The following CPNE6 variants were observed in gnomAD, a reference collection of about 807,000 sequenced individuals.
CPNE6 encodes copine-6.
In CPNE6, 33 loss-of-function variants were observed where a neutral mutation model predicts 71.5. The ratio of observed to expected loss-of-function variants is 0.46; its 90% CI spans 0.35 to 0.62. CPNE6 has a LOEUF of 0.62. Among genes scored for constraint, CPNE6 ranks in the 20% least tolerant of loss-of-function variants. The pLI is 0.00. For missense variants in CPNE6, 576 were observed against 747.3 expected (o/e 0.77, Z 2.67); for synonymous variants, 296 against 293.0 (o/e 1.01, Z -0.10).
chr14:24,076,046 T>A, intron 11 of CPNE6, 103 bp from the exon 11 acceptor site: 1 of 1,533,708 alleles, frequency 6.5e-7, no homozygotes, highest in Non-Finnish European at 8.9e-7. Context: ...ACCTGTAGCC[T>A]CCCCACCACT....
At chr14:24,071,501 G>GGCCCCCC in intron 1 of CPNE6, 61 bp from the exon 1 acceptor site, 22 of 1,416,686 alleles carry the variant, frequency 1.6e-5, no homozygotes, top group Non-Finnish European at 2.0e-5. Context: ...CTGGTGCTGC[G>GGCCCCCC]CCCCCCCCCA....
At position 24,077,096 on chromosome 14, in the gene CPNE6, C is replaced by G; in HGVS notation, c.1300-58C>G. 1 of 1,594,582 alleles carries G rather than the reference C, an allele frequency of 6.3e-7. No individual in the cohort carries two copies. The highest frequency in any genetic ancestry group is 8.5e-7 in the Non-Finnish European group (1 of 1,174,282). Reference sequence around the variant, plus strand: ...GCCAGGGTCTGCACCTTGGTGGAAACGGTGTCAACGCCCTTGCACACAAAG... The same window carrying G: ...GCCAGGGTCTGCACCTTGGTGGAAAGGGTGTCAACGCCCTTGCACACAAAG... On this transcript the variant is annotated intron_variant, in intron 15 of 17. Transcript: ENST00000397016. The surrounding 1 kb of genome is among the most constrained non-coding windows in gnomAD (Gnocchi z 6.1).
Position 24,074,703 on chromosome 14 carries a change from A to C in CPNE6, c.583-3A>C, listed in dbSNP as rs1480568813. Reference sequence around the variant, plus strand: ...CTGACCAGCCACCTGGTGCCTCTCCAAGGTGGTGAAGAACAACCTGAACCC... The same window carrying C: ...CTGACCAGCCACCTGGTGCCTCTCCCAGGTGGTGAAGAACAACCTGAACCC... On this transcript the variant is annotated splice_region_variant and splice_polypyrimidine_tract_variant and intron_variant, in intron 7 of 17. Coordinates refer to ENST00000397016, the Ensembl canonical transcript of CPNE6. The surrounding 1 kb of genome is among the most constrained non-coding windows in gnomAD (Gnocchi z 4.5). The C allele has an allele frequency of 1.2e-6, 2 of 1,613,836 alleles. No homozygotes were observed. The highest frequency in any genetic ancestry group is 2.7e-5 in the African/African-American group (2 of 74,904).
chr14:24,076,243 C>T, exon 12 of CPNE6: 4 of 1,614,228 alleles, frequency 2.5e-6, no homozygotes, highest in Non-Finnish European at 3.4e-6. Context: ...TACCTGCAGG[C>T]CCTGCGTGCA....
chr14:24,076,067 C>T, intron 11 of CPNE6, 82 bp from the exon 11 acceptor site: 3 of 1,572,198 alleles, frequency 1.9e-6, no homozygotes, highest in Non-Finnish European at 2.6e-6. Context: ...CATCTTAGTC[C>T]TCCCTACAGA....
In CPNE6 at chr14:24,077,100, G is replaced by A. The variant is rs1278691719; in HGVS notation, c.1300-54G>A. ...GGGTCTGCACCTTGGTGGAAACGGT[G>A]TCAACGCCCTTGCACACAAAGCCAA... On this transcript the variant is annotated intron_variant, in intron 15 of 17. Coordinates refer to ENST00000397016, the Ensembl canonical transcript of CPNE6. The surrounding 1 kb of genome is among the most constrained non-coding windows in gnomAD (Gnocchi z 6.1). 7.5e-6 allele frequency: 12 copies of A among 1,595,012 alleles called. No individual in the cohort carries two copies. The highest frequency in any genetic ancestry group is 6.7e-5 in the African/African-American group (5 of 74,802).
rs2036010526 is a variant in CPNE6 at position 24,074,888 on chromosome 14, C to A, written c.672+93C>A. On this transcript the variant is annotated intron_variant, in intron 8 of 17. Transcript: ENST00000397016. This position sits in a 1 kb window ranked among gnomAD's most constrained non-coding sequence, Gnocchi z 4.5. ...TGCATGTGGCAAGCCTCCCTCCTCTCCCCCAAGTGATAATCACATCCCACT... is the reference window on the plus strand; with the variant it reads ...TGCATGTGGCAAGCCTCCCTCCTCTACCCCAAGTGATAATCACATCCCACT... 2 of 1,014,586 alleles carry A rather than the reference C, an allele frequency of 2.0e-6. No individual in the cohort carries two copies. Among genetic ancestry groups the A allele is most frequent in the South Asian group, 1.4e-5 (1 of 72,140 alleles). The allele number at this position is 1,014,586 out of a possible 1,614,324, so 62.8% of individuals were successfully genotyped here. A position where few individuals can be genotyped will look rare whatever the true frequency, so the allele number is the denominator to read the frequency against.
chr14:24,075,722 C>T lies in CPNE6; in HGVS notation c.865-105C>T. The T allele has an allele frequency of 7.3e-7, 1 of 1,372,766 alleles. No homozygotes were observed. The highest frequency in any genetic ancestry group is 1.2e-5 in the South Asian group (1 of 81,452). The allele number at this position is 1,372,766 out of a possible 1,614,324, so 85.0% of individuals were successfully genotyped here. On this transcript the variant is annotated intron_variant, in intron 10 of 17. Coordinates refer to ENST00000397016, the Ensembl canonical transcript of CPNE6. This position sits in a 1 kb window ranked among gnomAD's most constrained non-coding sequence, Gnocchi z 4.3. ...AACTGGAAACCACCCCCAACTGCAA[C>T]CCAAAAAACTCTGGCTCCCCCATGT...
Position 24,071,074 on chromosome 14 carries a change from C to T in CPNE6, c.-120+46C>T, listed in dbSNP as rs534649404. On this transcript the variant is annotated intron_variant, in intron 1 of 17. Transcript: ENST00000397016. The stretch of plus-strand genomic sequence containing the variant: ...GTGTGACAAGGACAGCCCAGTGTTC[C>T]TGTATATGTGACTGCAGATATCCTT... The T allele has an allele frequency of 2.7e-5, 40 of 1,508,138 alleles. No individual in the cohort carries two copies. The East Asian group carries it at 9.3e-4, about 35-fold the overall frequency. The allele number at this position is 1,508,138 out of a possible 1,614,324, so 93.4% of individuals were successfully genotyped here.
At position 24,074,316 on chromosome 14, in the gene CPNE6, C is replaced by G; in HGVS notation, c.449C>G (p.Thr150Arg). ...ATCGTGGCCGAGGAGGTATCAGGCA[C>G]AAACGACTATGTGCAACTCACCTTC... The change falls in exon 6 of 18, where the codon ACA becomes AGA. Residue 150 changes from threonine to arginine, a missense_variant. Thr to Arg is a moderately conservative substitution (Grantham distance 71). Transcript: ENST00000397016. The surrounding 1 kb of genome is among the most constrained non-coding windows in gnomAD (Gnocchi z 4.5). 6.4e-7 allele frequency: 1 copy of G among 1,572,994 alleles called. No homozygotes were observed. The highest frequency in any genetic ancestry group is 8.6e-7 in the Non-Finnish European group (1 of 1,157,764).
Position 24,075,724 on chromosome 14 carries a change from CA to C in CPNE6, c.865-97del. ...CTGGAAACCACCCCCAACTGCAACC[CA>C]AAAAACTCTGGCTCCCCCATGTTCC... On this transcript the variant is annotated intron_variant, in intron 10 of 17. Coordinates refer to ENST00000397016, the Ensembl canonical transcript of CPNE6. This position sits in a 1 kb window ranked among gnomAD's most constrained non-coding sequence, Gnocchi z 4.3. The C allele has an allele frequency of 7.2e-7, 1 of 1,384,636 alleles. No homozygotes were observed. The highest frequency in any genetic ancestry group is 1.0e-6 in the Non-Finnish European group (1 of 985,822). 85.8% of individuals were successfully genotyped at this position (1,384,636 alleles called of 1,614,324 possible). A position where few individuals can be genotyped will look rare whatever the true frequency, so the allele number is the denominator to read the frequency against.
At position 24,075,971 on chromosome 14, in the gene CPNE6, C is replaced by T; in HGVS notation, c.924+85C>T. ...GAAGGAGCCCAGAATCTCCACTGCC[C>T]CAACTTGGGCTGCTCATGAGCCTTC... On this transcript the variant is annotated intron_variant, in intron 11 of 17. Transcript: ENST00000397016. The surrounding 1 kb of genome is among the most constrained non-coding windows in gnomAD (Gnocchi z 4.3). 7 of 1,553,758 alleles carry T rather than the reference C, an allele frequency of 4.5e-6. No individual in the cohort carries two copies. Among genetic ancestry groups the T allele is most frequent in the Non-Finnish European group, 6.2e-6 (7 of 1,128,064 alleles).
rs1362283584 is a variant in CPNE6, at chr14:24,071,100, A to AG, written c.-120+73dup. ...TGTATATGTGACTGCAGATATCCTT[A>AG]GCTAGTGTAACAATGTTGAAAGTGA... is the stretch of plus-strand genomic sequence containing the variant. On this transcript the variant is annotated intron_variant, in intron 1 of 17. Transcript: ENST00000397016. 9 of 1,419,092 alleles carry AG rather than the reference A, an allele frequency of 6.3e-6. No homozygotes were observed. The East Asian group carries it at 2.2e-4, about 35-fold the overall frequency. The allele number at this position is 1,419,092 out of a possible 1,614,324, so 87.9% of individuals were successfully genotyped here.
intron 2 of CPNE6, 116 bp from the exon 2 acceptor site, chr14:24,072,817 C>T (rs2035941082): frequency 2.1e-6 from 2 of 961,668 alleles, no homozygotes; most frequent in Non-Finnish European, 2.8e-6. Context: ...GTCCGTGAGG[C>T]CCCAGGGTCT....
Position 24,074,291 on chromosome 14 carries a change from A to T in CPNE6, c.424A>T (p.Ile142Phe). ...CCTGCCACTTGTATCCCCCTTGCAG[A>T]TCGTGGCCGAGGAGGTATCAGGCAC... Residue 142 changes from isoleucine (I) to phenylalanine (F), a missense_variant and splice_region_variant, in exon 6 of 18, where the codon ATC (isoleucine) becomes TTC (phenylalanine). By Grantham distance (21) the Ile-to-Phe change is conservative (BLOSUM62 0). Coordinates refer to ENST00000397016, the Ensembl canonical transcript of CPNE6. This position sits in a 1 kb window ranked among gnomAD's most constrained non-coding sequence, Gnocchi z 4.5. 1 of 1,582,792 alleles carries T rather than the reference A, an allele frequency of 6.3e-7. No homozygotes were observed. Among genetic ancestry groups the T allele is most frequent in the Non-Finnish European group, 8.6e-7 (1 of 1,161,812 alleles).
chr14:24,071,114 T>C (rs997603280), intron 1 of CPNE6: 18 of 1,368,944 alleles, frequency 1.3e-5, no homozygotes, highest in Non-Finnish European at 1.7e-5. Context: ...AGTGTAACAA[T>C]GTTGAAAGTG....
rs1469013338 is a variant in CPNE6, at chr14:24,073,568, T to C, written c.238T>C (p.Phe80Leu). ...CTCCCGGGTGCTGGCCCTTGAGTAT[T>C]TTTTTGAGGAGAAGCAGCCCCTGCA... Residue 80 changes from phenylalanine (F) to leucine (L), a missense_variant, in exon 4 of 18, where the codon TTT becomes CTT. Physicochemically the swap from Phe to Leu is conservative, Grantham distance 22. Around this residue, in one of 4 missense-constraint regions of CPNE6, gnomAD observed 214 missense variants for 291.2 expected, o/e 0.73. Transcript: ENST00000397016. The surrounding 1 kb of genome is among the most constrained non-coding windows in gnomAD (Gnocchi z 5.5). The C allele has an allele frequency of 2.5e-6, 4 of 1,614,056 alleles. No homozygotes were observed. Among genetic ancestry groups the C allele is most frequent in the Non-Finnish European group, 3.4e-6 (4 of 1,180,038 alleles).
At position 24,075,761 on chromosome 14, in the gene CPNE6, C is replaced by T. The variant is rs1273805067; in HGVS notation, c.865-66C>T. 33 of 1,516,092 alleles carry T rather than the reference C, an allele frequency of 2.2e-5. No individual in the cohort carries two copies. Among genetic ancestry groups the T allele is most frequent in the Non-Finnish European group, 2.7e-5 (30 of 1,093,406 alleles). 93.9% of individuals were successfully genotyped at this position (1,516,092 alleles called of 1,614,324 possible). On this transcript the variant is annotated intron_variant, in intron 10 of 17. Coordinates refer to ENST00000397016, the Ensembl canonical transcript of CPNE6. This position sits in a 1 kb window ranked among gnomAD's most constrained non-coding sequence, Gnocchi z 4.3. ...GCTCCCCCATGTTCCCCACAGAAGC[C>T]CTACCCAAGCTCCCTCCTCAAAGGA...
Position 24,077,844 on chromosome 14 carries a change from G to A in CPNE6, c.*38-44G>A, listed in dbSNP as rs574179504. 85 of 1,232,940 alleles carry A rather than the reference G, an allele frequency of 6.9e-5. No homozygotes were observed. The South Asian group carries it at 1.3e-3, about 19-fold the overall frequency. The allele number at this position is 1,232,940 out of a possible 1,614,324, so 76.4% of individuals were successfully genotyped here. ...TTGGTAGAGCCCAACTAGGCTGGGT[G>A]TAGTGTAGAAGAGAGTGCTTATGAC... On this transcript the variant is annotated intron_variant, in intron 17 of 17. Coordinates refer to ENST00000397016, the Ensembl canonical transcript of CPNE6. The surrounding 1 kb of genome is among the most constrained non-coding windows in gnomAD (Gnocchi z 6.1).
Sources: gnomAD v4.1 joint callset for allele counts on GRCh38, gnomAD v4.1.1 for gene constraint, gnomAD v4.1.1 regional missense constraint, Gnocchi (gnomAD v3.1) non-coding constraint, MANE v1.5 for transcripts, NCBI Gene and HGNC (gene_info 2026-07-23, HGNC 2026-07-21) for gene names.